Variants in FAM161A observed in about 807,000 individuals in gnomAD.
The protein encoded by FAM161A is FAM161 centrosomal protein A.
In FAM161A, 57 loss-of-function variants were observed where a neutral mutation model predicts 70.9. That is an observed-to-expected ratio of 0.80 (90% CI 0.65 to 1.00). FAM161A has a LOEUF of 1.00. Ranked by LOEUF, FAM161A falls within the 50% of genes least tolerant of loss-of-function variation. The pLI is 0.00. For synonymous variants in FAM161A, 299 were observed against 295.7 expected, an observed-to-expected ratio of 1.01 and a Z score of -0.12; for missense variants, 880 against 836.0, an observed-to-expected ratio of 1.05 and a Z score of -0.65.
At chr2:61,810,698 G>C in the FAM161A span, among the ~76,000 whole-genome samples, 1 of 151,878 alleles carries the variant, frequency 6.6e-6, no homozygotes, top group Non-Finnish European at 1.5e-5. Context: ...GACCTCAGGT[G>C]ATCCACCTGC....
intron 1 of FAM161A, among the ~76,000 whole-genome samples, chr2:61,845,515 A>T (rs918745561): frequency 6.6e-6 from 1 of 152,144 alleles, no homozygotes; most frequent in African/African-American, 2.4e-5. Context: ...AGGAGGTAAT[A>T]TTTGAGATGA....
At chr2:61,851,970 C>G (rs1298492554) in intron 1 of FAM161A, among the ~76,000 whole-genome samples, 1 of 152,102 alleles carries the variant, frequency 6.6e-6, no homozygotes, top group Non-Finnish European at 1.5e-5. Flanking sequence ...GGCAAATTAA[C>G]CTTTAAAAAT....
At chr2:61,832,347 G>C (rs1357303251) in intron 5 of FAM161A, among the ~76,000 whole-genome samples, 1 of 151,930 alleles carries the variant, frequency 6.6e-6, no homozygotes, top group African/African-American at 2.4e-5. Context: ...TTAATAAATG[G>C]GAAGCATTCT....
Position 61,827,182 on chromosome 2 carries a change from GAAAC to G in FAM161A, c.1924_1927del (p.Val642GlnfsTer34). On this transcript the variant is annotated frameshift_variant, in exon 6 of 7. Transcript: ENST00000404929. LOFTEE classifies it high-confidence loss of function. ...TACTTTTCCACTTTGGCCTTTCTTT[GAAAC>G]AAACTCATCAGATATTCCTAGTGCT... is the stretch of plus-strand genomic sequence containing the variant. The G allele has an allele frequency of 6.2e-7, 1 of 1,613,816 alleles. No individual in the cohort carries two copies. The highest frequency in any genetic ancestry group is 8.5e-7 in the Non-Finnish European group (1 of 1,179,938).
At chr2:61,838,421 T>A in intron 4 of FAM161A, 117 bp downstream of exon 4, 2 of 872,036 alleles carry the variant, frequency 2.3e-6, no homozygotes, top group Non-Finnish European at 3.5e-6. Context: ...ACAATTTAAA[T>A]CCATAAGCTA....
the FAM161A span, among the ~76,000 whole-genome samples, chr2:61,801,511 A>G: frequency 2.0e-5 from 3 of 149,474 alleles, no homozygotes; most frequent in Admixed American, 6.7e-5. Flanking sequence ...AAAAAAAAAT[A>G]GAATTACTGG....
At chr2:61,800,892 C>T in the FAM161A span, among the ~76,000 whole-genome samples, 2 of 152,238 alleles carry the variant, frequency 1.3e-5, no homozygotes, top group African/African-American at 4.8e-5. Flanking sequence ...CACACTGTAT[C>T]TCCCTGGTTC....
chr2:61,848,874 T>A lies in FAM161A; in HGVS notation c.183+4985A>T, dbSNP rs866398850. Among the ~76,000 whole-genome samples the A allele has an allele frequency of 4.6e-3, 39 of 8,404 alleles. 7 individuals carry two copies. The highest frequency in any genetic ancestry group is 0.021 in the African/African-American group (38 of 1,838). The allele number at this position is 8,404 out of a possible 152,430, so 5.5% of individuals were successfully genotyped here. ...TTTATATATATATTTATATATATAT[T>A]TATATATATATTTATATATATTTAT... On this transcript the variant is annotated intron_variant, in intron 1 of 6. Coordinates refer to ENST00000404929, the MANE Select transcript of FAM161A (RefSeq NM_001201543.2).
At chr2:61,816,981 A>G in the FAM161A span, among the ~76,000 whole-genome samples, 2 of 152,192 alleles carry the variant, frequency 1.3e-5, no homozygotes, top group Non-Finnish European at 2.9e-5. Context: ...AATATGCTCC[A>G]TTTGCTGCAG....
the FAM161A span, among the ~76,000 whole-genome samples, chr2:61,814,950 G>A: frequency 1.3e-5 from 2 of 152,150 alleles, no homozygotes; most frequent in East Asian, 3.9e-4. Flanking sequence ...TAGAGATGCC[G>A]GAATTTCTCG....
chr2:61,814,617 A>C, the FAM161A span, among the ~76,000 whole-genome samples: 1 of 152,130 alleles, frequency 6.6e-6, no homozygotes, highest in South Asian at 2.1e-4. Context: ...TGGGAGGTTG[A>C]GGTGAGAGGA....
At chr2:61,816,685 G>A in the FAM161A span, among the ~76,000 whole-genome samples, 1 of 152,072 alleles carries the variant, frequency 6.6e-6, no homozygotes, top group African/African-American at 2.4e-5. Flanking sequence ...TGCCCAGGCT[G>A]GTCTCGAACT....
intron 1 of FAM161A, among the ~76,000 whole-genome samples, chr2:61,842,628 T>A (rs1335611728): frequency 2.6e-5 from 4 of 152,174 alleles, no homozygotes; most frequent in African/African-American, 9.7e-5. Flanking sequence ...AATTCCCAGA[T>A]CAACCAACAA....
chr2:61,834,037 T>TA (rs1482265758), intron 5 of FAM161A, among the ~76,000 whole-genome samples: 3 of 152,086 alleles, frequency 2.0e-5, no homozygotes, highest in Non-Finnish European at 4.4e-5. Flanking sequence ...AATATTTTTC[T>TA]AAAAAAATCA....
At chr2:61,804,545 C>T in the FAM161A span, among the ~76,000 whole-genome samples, 1 of 151,732 alleles carries the variant, frequency 6.6e-6, no homozygotes, top group African/African-American at 2.4e-5. Flanking sequence ...TTTAGCCGAG[C>T]GTGCTGGTGT....
chr2:61,814,774 C>T, the FAM161A span, among the ~76,000 whole-genome samples: 2 of 152,212 alleles, frequency 1.3e-5, no homozygotes, highest in African/African-American at 2.4e-5. Flanking sequence ...ATTCACAGCT[C>T]CTCCTACAAC....
Position 61,854,031 on chromosome 2 carries a change from G to A in FAM161A, c.11C>T (p.Ser4Phe), listed in dbSNP as rs747572604. Residue 4 changes from serine to phenylalanine, a missense_variant, in exon 1 of 7, where the codon TCC becomes TTC. Ser to Phe is a radical substitution (Grantham distance 155, BLOSUM62 -2). Transcript: ENST00000404929. MATSHRVAKLVASS... is the reference protein window; with the variant it reads MATFHRVAKLVASS... ...GGCCACCAGCTTCGCCACTCGGTGG[G>A]AGGTGGCCATCGCCCCGCCTCCGAG... 7.5e-6 allele frequency: 12 copies of A among 1,609,350 alleles called. No homozygotes were observed. The highest frequency in any genetic ancestry group is 1.3e-5 in the African/African-American group (1 of 74,844).
Position 61,839,566 on chromosome 2 carries a change from C to T in FAM161A, c.1438G>A (p.Glu480Lys), listed in dbSNP as rs1366208730. ...CAACGTGTTTCTTTTAAATTTTCTT[C>T]ATCTGCTTCGATGTCTGCCAAAATT... ...EKILADIEAD[E>K]ENLKETRWPY... The change falls in exon 3 of 7, where the codon GAA becomes AAA. Residue 480 changes from glutamate to lysine, a missense_variant. Glu to Lys is a moderately conservative substitution (Grantham distance 56). Coordinates refer to ENST00000404929, the MANE Select transcript of FAM161A (RefSeq NM_001201543.2). 1 of 1,614,192 alleles carries T rather than the reference C, an allele frequency of 6.2e-7. No individual in the cohort carries two copies. Among genetic ancestry groups the T allele is most frequent in the South Asian group, 1.1e-5 (1 of 91,082 alleles).
chr2:61,832,776 G>C (rs1672630323), intron 5 of FAM161A, among the ~76,000 whole-genome samples: 2 of 152,168 alleles, frequency 1.3e-5, no homozygotes, highest in Admixed American at 6.6e-5. Context: ...GATGATGTGA[G>C]GTGGAACAGT....
Sources: allele counts gnomAD v4.1 joint callset (sites outside exome capture counted in the v4.1 genomes callset), GRCh38; gene constraint gnomAD v4.1.1; transcripts MANE v1.5; gene names NCBI Gene and HGNC (gene_info 2026-07-23, HGNC 2026-07-21).